The following FHIT variants were observed in gnomAD, a reference collection of about 807,000 sequenced individuals.
FHIT encodes the protein fragile histidine triad diadenosine triphosphatase.
Under a neutral mutation model 17.9 loss-of-function variants are expected in FHIT, and 19 were observed. The observed-to-expected ratio is 1.06, with a 90% CI of 0.74 to 1.56. The LOEUF (loss-of-function observed/expected upper bound fraction) is 1.56, where lower values mean the gene tolerates loss of function less well. Among genes scored for constraint, FHIT ranks in the 40% most tolerant of loss-of-function variants. The probability of loss-of-function intolerance (pLI) is 0.00; values close to 1 mark genes in which losing one functional copy is unlikely to be tolerated. For synonymous variants in FHIT, 81 were observed against 69.7 expected, an observed-to-expected ratio of 1.16 and a Z score of -0.81; for missense variants, 248 against 189.2, an observed-to-expected ratio of 1.31 and a Z score of -1.82.
intron 5 of FHIT, among the ~76,000 whole-genome samples, chr3:60,111,081 T>G (rs1401504465): frequency 1.3e-5 from 2 of 152,094 alleles, no homozygotes; most frequent in East Asian, 1.9e-4. Context: ...TACAGAGTGA[T>G]CTGATAGGCC....
chr3:59,861,581 A>G (rs1217606829), intron 8 of FHIT, among the ~76,000 whole-genome samples: 1 of 152,202 alleles, frequency 6.6e-6, no homozygotes, highest in East Asian at 1.9e-4. Flanking sequence ...TCCCTCCTTG[A>G]TAATGCACAG....
chr3:59,829,338 T>G (rs1701084673), intron 8 of FHIT, among the ~76,000 whole-genome samples: 1 of 152,174 alleles, frequency 6.6e-6, no homozygotes, highest in Non-Finnish European at 1.5e-5. Flanking sequence ...ACATGAGATT[T>G]CCTTAGAGCG....
intron 3 of FHIT, among the ~76,000 whole-genome samples, chr3:60,829,980 A>G (rs1316973019): frequency 6.6e-6 from 1 of 152,094 alleles, no homozygotes; most frequent in African/African-American, 2.4e-5. Flanking sequence ...AAATCACTAG[A>G]GACTCTTACC....
chr3:60,200,522 T>C (rs1251499576), intron 5 of FHIT, among the ~76,000 whole-genome samples: 1 of 152,060 alleles, frequency 6.6e-6, no homozygotes, highest in East Asian at 1.9e-4. Flanking sequence ...ATGGGAAAAA[T>C]TAATTAAATC....
chr3:60,939,343 T>C (rs527690787), intron 3 of FHIT, among the ~76,000 whole-genome samples: 25 of 152,314 alleles, frequency 1.6e-4, no homozygotes, highest in African/African-American at 6.0e-4. Flanking sequence ...TGTCTAAGGT[T>C]GCTCTCATCA....
chr3:60,571,899 G>A (rs2107664336), intron 4 of FHIT, among the ~76,000 whole-genome samples: 1 of 152,232 alleles, frequency 6.6e-6, no homozygotes, highest in East Asian at 1.9e-4. Flanking sequence ...TTTTATTTAT[G>A]GCACAGGAAT....
At position 60,510,921 on chromosome 3, in the gene FHIT, C is replaced by T. The variant is rs115380345; in HGVS notation, c.103+25939G>A. 2.6e-4 allele frequency among the ~76,000 whole-genome samples: 39 copies of T among 152,236 alleles called. 1 individual carries two copies. Among genetic ancestry groups the T allele is most frequent in the Non-Finnish European group, 4.3e-4 (29 of 68,022 alleles). ...ATAATAGAATCATAGTCTCTAACCT[C>T]GGAGGTCTTACATCTAATGTTAATG... On this transcript the variant is annotated intron_variant, in intron 5 of 9. Coordinates refer to ENST00000492590, the MANE Select transcript of FHIT (RefSeq NM_002012.4).
chr3:60,581,994 G>A (rs572828921), intron 4 of FHIT, among the ~76,000 whole-genome samples: 57 of 152,126 alleles, frequency 3.7e-4, no homozygotes, highest in African/African-American at 1.4e-3. Flanking sequence ...TGCAATGTGA[G>A]GGCAGGATTT....
At chr3:60,169,307 C>G (rs569817329) in intron 5 of FHIT, among the ~76,000 whole-genome samples, 3 of 152,248 alleles carry the variant, frequency 2.0e-5, no homozygotes, top group Admixed American at 1.3e-4. Flanking sequence ...CTGTAATACC[C>G]TGAAAACAGT....
rs1430034881 is a variant in FHIT at position 60,619,206 on chromosome 3, C to T, written c.-17-82227G>A. Among the ~76,000 whole-genome samples, 6 of 152,244 alleles carry T rather than the reference C, an allele frequency of 3.9e-5. No homozygotes were observed. In the South Asian group the frequency reaches 1.0e-3, roughly 26 times the overall value. ...GAGTAATTACATTTAAAAAAGCTAT[C>T]TACTGTTCTAGAATCACTGTCGTTG... On this transcript the variant is annotated intron_variant, in intron 4 of 9. Coordinates refer to ENST00000492590, the MANE Select transcript of FHIT (RefSeq NM_002012.4).
At chr3:61,063,255 C>CAA (rs371077056) in intron 2 of FHIT, among the ~76,000 whole-genome samples, 10 of 95,876 alleles carry the variant, frequency 1.0e-4, no homozygotes, top group Admixed American at 4.6e-4. Context: ...GACTCTGTCT[C>CAA]AAAAAAAAAA....
At position 60,097,012 on chromosome 3, in the gene FHIT, C is replaced by G. The variant is rs543291891; in HGVS notation, c.104-82860G>C. On this transcript the variant is annotated intron_variant, in intron 5 of 9. Coordinates refer to ENST00000492590, the MANE Select transcript of FHIT (RefSeq NM_002012.4). ...CCTGGCCAACACAGTGAGACCCTATCTCTGTTATTATTAAAAAAAAAAAAA... is the reference window on the plus strand; with the variant it reads ...CCTGGCCAACACAGTGAGACCCTATGTCTGTTATTATTAAAAAAAAAAAAA... Among the ~76,000 whole-genome samples, 295 of 116,258 alleles carry G rather than the reference C, an allele frequency of 2.5e-3. 2 individuals are homozygous for G. The highest frequency in any genetic ancestry group is 4.5e-3 in the Middle Eastern group (1 of 222). 76.3% of individuals were successfully genotyped at this position (116,258 alleles called of 152,430 possible).
At chr3:60,126,385 T>C (rs143886564) in intron 5 of FHIT, among the ~76,000 whole-genome samples, 2 of 152,264 alleles carry the variant, frequency 1.3e-5, no homozygotes, top group East Asian at 3.9e-4. Flanking sequence ...TCTCTTCCAG[T>C]TGGAAGTCTG....
At chr3:60,452,067 T>C (rs776830630) in intron 5 of FHIT, among the ~76,000 whole-genome samples, 5 of 152,172 alleles carry the variant, frequency 3.3e-5, no homozygotes, top group Non-Finnish European at 7.3e-5. Flanking sequence ...TACCACACTT[T>C]ATTTCTATAC....
At chr3:60,687,970 T>C (rs1235050575) in intron 4 of FHIT, among the ~76,000 whole-genome samples, 1 of 149,258 alleles carries the variant, frequency 6.7e-6, no homozygotes, top group Admixed American at 6.7e-5. Flanking sequence ...CCAAGATTAC[T>C]TTTTTTTTTA....
At chr3:60,336,690 C>T (rs541020655) in intron 5 of FHIT, among the ~76,000 whole-genome samples, 2 of 152,168 alleles carry the variant, frequency 1.3e-5, no homozygotes, top group African/African-American at 4.8e-5. Context: ...TGGCTACTGG[C>T]ATAGTAGACA....
intron 5 of FHIT, among the ~76,000 whole-genome samples, chr3:60,268,714 T>C (rs1706712593): frequency 6.6e-6 from 1 of 152,208 alleles, no homozygotes; most frequent in African/African-American, 2.4e-5. Context: ...GACAGAATCC[T>C]GGCCACCTAT....
At chr3:61,242,967 G>A (rs926642367) in intron 1 of FHIT, among the ~76,000 whole-genome samples, 6 of 152,166 alleles carry the variant, frequency 3.9e-5, no homozygotes, top group African/African-American at 1.4e-4. Context: ...CTAGTTGCAT[G>A]ACTCCTAAAC....
chr3:60,402,305 G>A (rs990665050), intron 5 of FHIT, among the ~76,000 whole-genome samples: 1 of 152,176 alleles, frequency 6.6e-6, no homozygotes, highest in Non-Finnish European at 1.5e-5. Flanking sequence ...TTTCCAAAGA[G>A]CACGTGGGTG....
Sources: allele counts gnomAD v4.1 joint callset (sites outside exome capture counted in the v4.1 genomes callset), GRCh38; gene constraint gnomAD v4.1.1; transcripts MANE v1.5; gene names NCBI Gene and HGNC (gene_info 2026-07-23, HGNC 2026-07-21).